Variants in NCOA2 observed in about 807,000 individuals in gnomAD.
The protein encoded by NCOA2 is nuclear receptor coactivator 2, also known as class E basic helix-loop-helix protein 75.
In NCOA2, 21 loss-of-function variants were observed where a neutral mutation model predicts 145.1. The observed-to-expected ratio is 0.14, with a 90% CI of 0.10 to 0.21. NCOA2 has a LOEUF of 0.21. NCOA2 is among the 10% of genes least tolerant of loss of function. The pLI is 1.00. For missense variants in NCOA2, 1,472 were observed against 1,837.6 expected (o/e 0.80, Z 3.64); for synonymous variants, 619 against 637.5 (o/e 0.97, Z 0.44).
chr8:70,149,250 T>C (rs913085299), intron 11 of NCOA2, among the ~76,000 whole-genome samples: 11 of 151,850 alleles, frequency 7.2e-5, no homozygotes, highest in African/African-American at 1.9e-4. Flanking sequence ...TTTTTTTTTT[T>C]CTGAGAAAGG....
intron 2 of NCOA2, among the ~76,000 whole-genome samples, chr8:70,258,464 A>AT (rs1372025345): frequency 1.8e-4 from 28 of 151,530 alleles, no homozygotes; most frequent in African/African-American, 3.6e-4. Context: ...TTTATCTGCT[A>AT]TTTTTTTTTC....
At chr8:70,148,776 CCTTT>C (rs1302145950) in intron 11 of NCOA2, among the ~76,000 whole-genome samples, 1 of 152,130 alleles carries the variant, frequency 6.6e-6, no homozygotes, top group Non-Finnish European at 1.5e-5. Flanking sequence ...TATAAATTCT[CCTTT>C]ATTTTATGCT....
chr8:70,224,638 T>C (rs897269676), intron 2 of NCOA2, among the ~76,000 whole-genome samples: 17 of 152,176 alleles, frequency 1.1e-4, no homozygotes, highest in Non-Finnish European at 5.9e-5. Context: ...TTTCCCAGTC[T>C]ATTAGACATG....
chr8:70,393,359 A>C (rs1222360845), intron 1 of NCOA2, among the ~76,000 whole-genome samples: 1 of 152,162 alleles, frequency 6.6e-6, no homozygotes. Flanking sequence ...GGCTCTCTCT[A>C]TACATGAGCT....
intron 2 of NCOA2, among the ~76,000 whole-genome samples, chr8:70,279,728 AT>A (rs201998482): frequency 8.6e-5 from 13 of 151,678 alleles, no homozygotes; most frequent in Non-Finnish European, 1.5e-4. Flanking sequence ...CATTCCTGTA[AT>A]TTTTTTTTAG....
At position 70,248,990 on chromosome 8, in the gene NCOA2, C is replaced by T. The variant is rs73292813; in HGVS notation, c.-19-32226G>A. On this transcript the variant is annotated intron_variant, in intron 2 of 22. Transcript: ENST00000452400. The stretch of plus-strand genomic sequence containing the variant: ...GAGCTTGTGATGAACAGAATTCTGA[C>T]GTGGTTCTGCAAGATTCTCCACCCC... Among the ~76,000 whole-genome samples, 651 of 151,992 alleles carry T rather than the reference C, an allele frequency of 4.3e-3. 6 individuals are homozygous for T. The highest frequency in any genetic ancestry group is 0.015 in the African/African-American group (617 of 41,422).
intron 1 of NCOA2, among the ~76,000 whole-genome samples, chr8:70,313,153 A>T (rs935585517): frequency 6.6e-6 from 1 of 152,224 alleles, no homozygotes; most frequent in Non-Finnish European, 1.5e-5. Flanking sequence ...AACTATTAAT[A>T]TAAGTGTGGT....
At chr8:70,363,679 T>C (rs1810420609) in intron 1 of NCOA2, among the ~76,000 whole-genome samples, 1 of 152,108 alleles carries the variant, frequency 6.6e-6, no homozygotes, top group South Asian at 2.1e-4. Context: ...TCATGACATT[T>C]TAGAAAAGGC....
intron 1 of NCOA2, among the ~76,000 whole-genome samples, chr8:70,360,775 TAA>T (rs1250673102): frequency 2.6e-5 from 4 of 151,878 alleles, no homozygotes; most frequent in Non-Finnish European, 5.9e-5. Flanking sequence ...ACATCTCTAC[TAA>T]AAATACAAAA....
At chr8:70,334,513 T>C (rs1807396115) in intron 1 of NCOA2, among the ~76,000 whole-genome samples, 1 of 152,232 alleles carries the variant, frequency 6.6e-6, no homozygotes, top group Admixed American at 6.5e-5. Context: ...ATGTACAACG[T>C]TCTTGATACT....
At chr8:70,386,636 A>C (rs910572884) in intron 1 of NCOA2, among the ~76,000 whole-genome samples, 2 of 152,226 alleles carry the variant, frequency 1.3e-5, no homozygotes, top group African/African-American at 2.4e-5. Flanking sequence ...CTAGAATGTA[A>C]AGAAAAATTT....
At chr8:70,250,000 A>C (rs551957187) in intron 2 of NCOA2, among the ~76,000 whole-genome samples, 17 of 150,568 alleles carry the variant, frequency 1.1e-4, no homozygotes, top group African/African-American at 3.9e-4. Context: ...AAGAAGAAGA[A>C]GACCAAAAAA....
At chr8:70,281,063 G>A (rs1376242971) in intron 2 of NCOA2, among the ~76,000 whole-genome samples, 1 of 151,860 alleles carries the variant, frequency 6.6e-6, no homozygotes, top group Non-Finnish European at 1.5e-5. Flanking sequence ...TAAAATTTAG[G>A]AAAAAATAGG....
chr8:70,442,874 T>G, the NCOA2 span, among the ~76,000 whole-genome samples: 1 of 152,302 alleles, frequency 6.6e-6, no homozygotes, highest in Non-Finnish European at 1.5e-5. Context: ...TGATCAGAGA[T>G]AGGATTCCAA....
intron 14 of NCOA2, among the ~76,000 whole-genome samples, chr8:70,140,573 A>T (rs1007280460): frequency 6.7e-6 from 1 of 148,284 alleles, no homozygotes; most frequent in African/African-American, 2.5e-5. Context: ...AGCGTTAGAA[A>T]CTACTGCTGT....
At chr8:70,429,336 GT>G in the NCOA2 span, among the ~76,000 whole-genome samples, 1 of 152,234 alleles carries the variant, frequency 6.6e-6, no homozygotes, top group Admixed American at 6.5e-5. Flanking sequence ...CCACAAGGTT[GT>G]TCCAGAGGTG....
At chr8:70,260,189 T>G (rs1373952719) in intron 2 of NCOA2, among the ~76,000 whole-genome samples, 6 of 152,200 alleles carry the variant, frequency 3.9e-5, no homozygotes, top group African/African-American at 1.4e-4. Flanking sequence ...TTTTGCTTTG[T>G]TTTTTTGAGA....
At chr8:70,379,051 A>G (rs1811944739) in intron 1 of NCOA2, among the ~76,000 whole-genome samples, 2 of 152,216 alleles carry the variant, frequency 1.3e-5, no homozygotes, top group South Asian at 4.1e-4. Context: ...CAGTTAAAGG[A>G]TAAGGGTAGA....
upstream of NCOA2, among the ~76,000 whole-genome samples, chr8:70,407,201 A>G (rs769843493): frequency 6.6e-6 from 1 of 152,222 alleles, no homozygotes; most frequent in Non-Finnish European, 1.5e-5. Context: ...TTGTTTGTCA[A>G]TTTGATTATT....
Sources: allele counts gnomAD v4.1 joint callset (sites outside exome capture counted in the v4.1 genomes callset), GRCh38; gene constraint gnomAD v4.1.1; transcripts MANE v1.5; gene names NCBI Gene and HGNC (gene_info 2026-07-23, HGNC 2026-07-21).